Variants in SMG6 observed in about 807,000 individuals in gnomAD.
SMG6 encodes the protein telomerase-binding protein EST1A.
SMG6 carries 66 observed loss-of-function variants against 142.2 expected under a neutral mutation model. The observed-to-expected ratio is 0.46, with a 90% CI of 0.38 to 0.57. The LOEUF (loss-of-function observed/expected upper bound fraction) is 0.57, where lower values mean the gene tolerates loss of function less well. SMG6 is among the 20% of genes least tolerant of loss of function. The pLI, the probability that SMG6 is intolerant of heterozygous loss-of-function variation, is 0.00. For missense variants in SMG6, 1,793 were observed against 1,832.0 expected (o/e 0.98, Z 0.39); for synonymous variants, 779 against 702.4 (o/e 1.11, Z -1.72).
chr17:2,261,510 C>T (rs2074313936), intron 8 of SMG6, among the ~76,000 whole-genome samples: 1 of 152,148 alleles, frequency 6.6e-6, no homozygotes, highest in African/African-American at 2.4e-5. Flanking sequence ...TTCTACTAGT[C>T]CACAAAAAGC....
intron 10 of SMG6, among the ~76,000 whole-genome samples, chr17:2,192,080 C>T (rs567048435): frequency 1.3e-5 from 2 of 152,354 alleles, no homozygotes; most frequent in Admixed American, 6.5e-5. Context: ...CAAAGCTGTG[C>T]CTGACAGCTC....
At chr17:2,087,708 GA>G in intron 13 of SMG6, 3 of 987,280 alleles carry the variant, frequency 3.0e-6, no homozygotes, top group Non-Finnish European at 3.6e-6. Flanking sequence ...AGGAAGGCTA[GA>G]AATACAGAAG....
intron 14 of SMG6, among the ~76,000 whole-genome samples, chr17:2,083,473 T>C (rs1435307137): frequency 1.3e-5 from 2 of 152,180 alleles, no homozygotes; most frequent in Non-Finnish European, 2.9e-5. Context: ...GTTTTGCAGT[T>C]TGGGGAGAGA....
At chr17:2,223,148 TATA>T (rs577574504) in intron 10 of SMG6, among the ~76,000 whole-genome samples, 59 of 152,266 alleles carry the variant, frequency 3.9e-4, no homozygotes, top group African/African-American at 1.3e-3. Flanking sequence ...GGGCAGGCAT[TATA>T]AGATCTTTCT....
chr17:2,151,757 C>T (rs898362257), intron 13 of SMG6, among the ~76,000 whole-genome samples: 9 of 152,164 alleles, frequency 5.9e-5, no homozygotes, highest in East Asian at 3.8e-4. Context: ...TACACCTATG[C>T]GGCTGCCCAG....
intron 13 of SMG6, among the ~76,000 whole-genome samples, chr17:2,125,909 T>A (rs984057241): frequency 1.5e-5 from 2 of 136,806 alleles, no homozygotes; most frequent in African/African-American, 5.7e-5. Context: ...GCTGACATTG[T>A]GCCACTGCAC....
intron 8 of SMG6, among the ~76,000 whole-genome samples, chr17:2,273,103 T>C (rs1028569085): frequency 2.0e-5 from 3 of 152,144 alleles, no homozygotes; most frequent in African/African-American, 7.2e-5. Context: ...GGAAAATGTG[T>C]ATTAGATAAG....
chr17:2,267,009 G>A (rs2074436300), intron 8 of SMG6, among the ~76,000 whole-genome samples: 1 of 152,174 alleles, frequency 6.6e-6, no homozygotes, highest in Non-Finnish European at 1.5e-5. Context: ...TCTTCCCACA[G>A]AAAGAGGCTC....
chr17:2,231,824 G>GT (rs991544782), intron 10 of SMG6, among the ~76,000 whole-genome samples: 1 of 151,858 alleles, frequency 6.6e-6, no homozygotes, highest in Non-Finnish European at 1.5e-5. Flanking sequence ...TGCAAGAAGT[G>GT]TCTCTTGGGT....
intron 13 of SMG6, among the ~76,000 whole-genome samples, chr17:2,123,432 T>G (rs973876262): frequency 6.6e-6 from 1 of 152,140 alleles, no homozygotes; most frequent in Non-Finnish European, 1.5e-5. Flanking sequence ...GGAATGGAAG[T>G]GTGTTAACGG....
intron 13 of SMG6, among the ~76,000 whole-genome samples, chr17:2,091,989 C>CT (rs1168356792): frequency 0.021 from 2,968 of 142,506 alleles, 91 homozygotes; most frequent in African/African-American, 0.065. Context: ...GCCCCTTTTT[C>CT]TTTTTTTTTT....
intron 8 of SMG6, among the ~76,000 whole-genome samples, chr17:2,273,380 G>A (rs1377110328): frequency 1.3e-5 from 2 of 152,190 alleles, no homozygotes; most frequent in African/African-American, 4.8e-5. Context: ...GCCAGGCGTG[G>A]CTGGGGACAG....
At chr17:2,254,099 A>G (rs1430556778) in intron 8 of SMG6, among the ~76,000 whole-genome samples, 1 of 152,244 alleles carries the variant, frequency 6.6e-6, no homozygotes, top group Non-Finnish European at 1.5e-5. Context: ...GTTCAGCCAA[A>G]GGGCAACACT....
chr17:2,300,748 G>C (rs2075263234), intron 1 of SMG6, 84 bp from the exon 2 acceptor site: 1 of 1,277,492 alleles, frequency 7.8e-7, no homozygotes, highest in Non-Finnish European at 1.1e-6. Context: ...TGTCATTCTG[G>C]TTAAGTAACA....
At position 2,303,680 on chromosome 17, in the gene SMG6, T is replaced by G; in HGVS notation, c.41A>C (p.Glu14Ala). Residue 14 changes from glutamate to alanine, a missense_variant, in exon 1 of 19, where the codon GAG becomes GCG. Physicochemically the swap from Glu to Ala is moderately radical, Grantham distance 107. This residue lies in a region of SMG6 where 1,597 missense variants were observed against 1,584.6 expected (regional missense o/e 1.01). Coordinates refer to ENST00000263073, the MANE Select transcript of SMG6 (RefSeq NM_017575.5). Reference protein sequence around the residue: ...GLERVRISASELRGILATLAP... With the variant: ...GLERVRISASALRGILATLAP... ...CAGAGTAGCCAGGATCCCGCGCAGC[T>G]CCGACGCGGAGATCCGCACACGCTC... 1 of 1,495,738 alleles carries G rather than the reference T, an allele frequency of 6.7e-7. No homozygotes were observed. Among genetic ancestry groups the G allele is most frequent in the Non-Finnish European group, 8.9e-7 (1 of 1,129,164 alleles). The allele number at this position is 1,495,738 out of a possible 1,614,324, so 92.7% of individuals were successfully genotyped here.
chr17:2,295,430 C>G (rs2075124643), intron 4 of SMG6, among the ~76,000 whole-genome samples: 1 of 152,208 alleles, frequency 6.6e-6, no homozygotes, highest in African/African-American at 2.4e-5. Context: ...CTTGTCTTCG[C>G]AGCCAAGATG....
chr17:2,243,971 C>T (rs940958997), intron 9 of SMG6, among the ~76,000 whole-genome samples: 2 of 152,114 alleles, frequency 1.3e-5, no homozygotes, highest in Non-Finnish European at 1.5e-5. Context: ...GTAGGCATTA[C>T]GTTGGGCTTA....
rs72819571 is a variant in SMG6 at position 2,267,207 on chromosome 17, G to A, written c.2661+15440C>T. On this transcript the variant is annotated intron_variant, in intron 8 of 18. Transcript: ENST00000263073. ...TTTCTGATGCCCACCTTACAGATAC[G>A]GAATCTTTTTCTTTTGAGGCAGGGT... Among the ~76,000 whole-genome samples, 29 of 152,056 alleles carry A rather than the reference G, an allele frequency of 1.9e-4. No homozygotes were observed. In the South Asian group the frequency reaches 5.4e-3, roughly 28 times the overall value.
intron 12 of SMG6, among the ~76,000 whole-genome samples, chr17:2,183,745 GACACACAC>G (rs56210030): frequency 0.085 from 12,401 of 146,246 alleles, 817 homozygotes; most frequent in East Asian, 0.34. Flanking sequence ...AGGTGCGTGC[GACACACAC>G]ACACACACAC....
Sources: allele counts gnomAD v4.1 joint callset (sites outside exome capture counted in the v4.1 genomes callset), GRCh38; gene constraint gnomAD v4.1.1; regional missense constraint gnomAD v4.1.1; transcripts MANE v1.5; gene names NCBI Gene and HGNC (gene_info 2026-07-23, HGNC 2026-07-21).